TCEANC2: variants seen among roughly 807,000 people sequenced by gnomAD.
TCEANC2 encodes transcription elongation factor A N-terminal and central domain-containing protein 2.
A neutral mutation model predicts 22.8 loss-of-function variants in TCEANC2; 20 were observed. The observed-to-expected ratio is 0.88, with a 90% CI of 0.62 to 1.28. TCEANC2 has a LOEUF of 1.28. Ranked by LOEUF, TCEANC2 falls within the 50% of genes most tolerant of loss-of-function variation. The pLI is 0.00. For synonymous variants in TCEANC2, 84 were observed against 95.5 expected, an observed-to-expected ratio of 0.88 and a Z score of 0.70; for missense variants, 251 against 249.7, an observed-to-expected ratio of 1.01 and a Z score of -0.03.
downstream of TCEANC2, among the ~76,000 whole-genome samples, chr1:54,108,612 G>A (rs906739945): frequency 6.6e-6 from 1 of 152,180 alleles, no homozygotes; most frequent in African/African-American, 2.4e-5. Flanking sequence ...TGTTGTTTAA[G>A]CCATCCAGTC....
Position 54,089,613 on chromosome 1 carries a change from C to A in TCEANC2, c.438+823C>A, listed in dbSNP as rs142925718. Among the ~76,000 whole-genome samples, 17 of 152,272 alleles carry A rather than the reference C, an allele frequency of 1.1e-4. No individual in the cohort carries two copies. In the East Asian group the frequency reaches 3.3e-3, roughly 29 times the overall value. ...CCCAGGATATCCCAGAGCAACTCTGCTAAAGTATCCTTAAAGAACAATTTA... is the reference window on the plus strand; with the variant it reads ...CCCAGGATATCCCAGAGCAACTCTGATAAAGTATCCTTAAAGAACAATTTA... On this transcript the variant is annotated intron_variant, in intron 4 of 4. Coordinates refer to ENST00000234827, the MANE Select transcript of TCEANC2 (RefSeq NM_153035.3).
intron 2 of TCEANC2, among the ~76,000 whole-genome samples, chr1:54,067,789 G>T (rs1657985360): frequency 2.0e-5 from 3 of 152,086 alleles, no homozygotes; most frequent in Non-Finnish European, 4.4e-5. Flanking sequence ...TGCACAAATT[G>T]TAAGTATATA....
At chr1:54,071,889 G>A (rs188097716) in intron 3 of TCEANC2, among the ~76,000 whole-genome samples, 284 of 151,474 alleles carry the variant, frequency 1.9e-3, no homozygotes, top group Non-Finnish European at 3.3e-3. Context: ...ACAGCTCACC[G>A]CAGCCTTGAC....
At chr1:54,111,743 A>T (rs923343249) in exon 5 of TCEANC2, 1 of 152,254 alleles carries the variant, frequency 6.6e-6, no homozygotes, top group Non-Finnish European at 1.5e-5. Context: ...CAGAGAAGTT[A>T]AATGACTTGC....
intron 2 of TCEANC2, among the ~76,000 whole-genome samples, chr1:54,067,703 C>T (rs1449798086): frequency 6.6e-6 from 1 of 152,146 alleles, no homozygotes; most frequent in Non-Finnish European, 1.5e-5. Flanking sequence ...AAGCAGACAC[C>T]AGCCAAGGGA....
chr1:54,070,404 A>G (rs553007204), intron 3 of TCEANC2, among the ~76,000 whole-genome samples: 23 of 152,322 alleles, frequency 1.5e-4, no homozygotes, highest in African/African-American at 5.5e-4. Flanking sequence ...AAATATCAAC[A>G]TAATAGGCCG....
chr1:54,083,854 A>G, intron 3 of TCEANC2, among the ~76,000 whole-genome samples: 1 of 152,202 alleles, frequency 6.6e-6, no homozygotes, highest in Non-Finnish European at 1.5e-5. Flanking sequence ...TTTTCTTTGC[A>G]TATAAACAAA....
rs1171090760 is a variant in TCEANC2 at position 54,068,672 on chromosome 1, A to G, written c.103-84A>G. On this transcript the variant is annotated intron_variant, in intron 2 of 4. Coordinates refer to ENST00000234827, the MANE Select transcript of TCEANC2 (RefSeq NM_153035.3). ...GTCATAATCAATAATTCATATGTCA[A>G]TAGGAGCCCCATTAGCTCAGGTGAA... The G allele has an allele frequency of 1.0e-5, 14 of 1,383,492 alleles. 1 individual carries two copies. In the Admixed American group the frequency reaches 1.3e-4, roughly 13 times the overall value. The allele number at this position is 1,383,492 out of a possible 1,614,324, so 85.7% of individuals were successfully genotyped here. A position where few individuals can be genotyped will look rare whatever the true frequency, so the allele number is the denominator to read the frequency against.
chr1:54,107,743 A>C (rs1658780645), downstream of TCEANC2, among the ~76,000 whole-genome samples: 1 of 152,186 alleles, frequency 6.6e-6, no homozygotes, highest in African/African-American at 2.4e-5. Context: ...AACATACACA[A>C]CCACGTTGTG....
chr1:54,055,500 A>G (rs1194828586), intron 2 of TCEANC2, among the ~76,000 whole-genome samples: 4 of 152,030 alleles, frequency 2.6e-5, no homozygotes, highest in African/African-American at 9.7e-5. Context: ...TTCTTCCTCC[A>G]CTAGGTTCCT....
intron 4 of TCEANC2, among the ~76,000 whole-genome samples, chr1:54,089,432 T>C (rs1485548334): frequency 6.6e-6 from 1 of 152,212 alleles, no homozygotes; most frequent in Non-Finnish European, 1.5e-5. Flanking sequence ...CCTTCATGGC[T>C]TACAATTCAG....
chr1:54,059,747 C>T (rs1657817159), intron 2 of TCEANC2, among the ~76,000 whole-genome samples: 1 of 152,186 alleles, frequency 6.6e-6, no homozygotes, highest in Admixed American at 6.5e-5. Flanking sequence ...GCTCCAAAAC[C>T]TAACACAGTG....
intron 3 of TCEANC2, among the ~76,000 whole-genome samples, chr1:54,083,044 A>T (rs1377137790): frequency 1.3e-5 from 2 of 152,168 alleles, no homozygotes; most frequent in Non-Finnish European, 2.9e-5. Flanking sequence ...GGGAGAATTA[A>T]GGAAGTAGAT....
intron 3 of TCEANC2, 98 bp downstream of exon 3, chr1:54,068,995 A>T: frequency 7.9e-7 from 1 of 1,270,270 alleles, no homozygotes; most frequent in Admixed American, 3.7e-5. Context: ...TATCTGCCTT[A>T]TCAATGCTTT....
chr1:54,083,866 ATGT>A (rs1206376457), intron 3 of TCEANC2, among the ~76,000 whole-genome samples: 1 of 152,170 alleles, frequency 6.6e-6, no homozygotes, highest in African/African-American at 2.4e-5. Context: ...ATAAACAAAA[ATGT>A]TGTTTATATG....
chr1:54,074,335 C>T (rs1467350818), intron 3 of TCEANC2, among the ~76,000 whole-genome samples: 3 of 152,038 alleles, frequency 2.0e-5, no homozygotes, highest in Non-Finnish European at 2.9e-5. Flanking sequence ...TGGTGGCGGA[C>T]GCCTGTAGTC....
At chr1:54,083,587 T>G (rs1658285209) in intron 3 of TCEANC2, among the ~76,000 whole-genome samples, 1 of 152,184 alleles carries the variant, frequency 6.6e-6, no homozygotes, top group Non-Finnish European at 1.5e-5. Context: ...TTCTGTATTA[T>G]TTCTCATACA....
Position 54,054,166 on chromosome 1 carries a change from G to A in TCEANC2, c.-42-215G>A, listed in dbSNP as rs183291855. ...TAGAGCGTGCACTTCTGGAAGCTAGGAACCTCCTAACTCAGGACGTAGACT... is the reference window on the plus strand; with the variant it reads ...TAGAGCGTGCACTTCTGGAAGCTAGAAACCTCCTAACTCAGGACGTAGACT... On this transcript the variant is annotated intron_variant, in intron 1 of 4. Transcript: ENST00000234827. 1.5e-5 allele frequency: 18 copies of A among 1,226,322 alleles called. No individual in the cohort carries two copies. The East Asian group carries it at 4.5e-4, about 31-fold the overall frequency. The allele number at this position is 1,226,322 out of a possible 1,614,324, so 76.0% of individuals were successfully genotyped here. A position where few individuals can be genotyped will look rare whatever the true frequency, so the allele number is the denominator to read the frequency against.
chr1:54,084,025 T>G (rs1383761303), intron 3 of TCEANC2, among the ~76,000 whole-genome samples: 2 of 152,082 alleles, frequency 1.3e-5, no homozygotes, highest in Non-Finnish European at 2.9e-5. Flanking sequence ...GTCGGGTTTT[T>G]TTTTTTTGAG....
Sources: gnomAD v4.1 joint callset for allele counts (sites outside exome capture counted in the v4.1 genomes callset) on GRCh38, gnomAD v4.1.1 for gene constraint, MANE v1.5 for transcripts, NCBI Gene and HGNC (gene_info 2026-07-23, HGNC 2026-07-21) for gene names.